The following SP6 variants were observed in gnomAD, a reference collection of about 807,000 sequenced individuals.
SP6 encodes Sp6 transcription factor, also known as transcription factor Sp6.
A neutral mutation model predicts 23.4 loss-of-function variants in SP6; 10 were observed. That is an observed-to-expected ratio of 0.43 (90% CI 0.26 to 0.72). SP6 has a LOEUF of 0.72. Ranked by LOEUF, SP6 falls within the 30% of genes least tolerant of loss-of-function variation. SP6 has a pLI of 0.23. For synonymous variants in SP6, 238 were observed against 238.7 expected, an observed-to-expected ratio of 1.00 and a Z score of 0.03; for missense variants, 482 against 523.8, an observed-to-expected ratio of 0.92 and a Z score of 0.78.
upstream of SP6, among the ~76,000 whole-genome samples, chr17:47,859,622 C>G (rs1214881499): frequency 4.6e-5 from 7 of 152,190 alleles, no homozygotes; most frequent in Non-Finnish European, 7.3e-5. Flanking sequence ...AGAAGCTCCT[C>G]AGCTTGGGGA....
At chr17:47,856,252 A>T (rs1422522372), upstream of SP6, among the ~76,000 whole-genome samples, 4 of 152,086 alleles carry the variant, frequency 2.6e-5, no homozygotes, top group Admixed American at 1.3e-4. Flanking sequence ...CTCTTTTTAC[A>T]TACTCACTTC....
At position 47,845,463 on chromosome 17, in the gene SP6, G is replaced by C. The variant is rs983037269; in HGVS notation, c.*1836C>G. ...ACTACCCCAGGCCAATGAGTTCCTC[G>C]GGAAGGTCATCCTGTCCCTTTTAAG... On this transcript the variant is annotated 3_prime_UTR_variant, in exon 2 of 2. Transcript: ENST00000536300. 6.6e-6 allele frequency: 1 copy of C among 152,198 alleles called. No individual in the cohort carries two copies. The highest frequency in any genetic ancestry group is 6.5e-5 in the Admixed American group (1 of 15,272). 9.4% of individuals were successfully genotyped at this position (152,198 alleles called of 1,614,324 possible). A position where few individuals can be genotyped will look rare whatever the true frequency, so the allele number is the denominator to read the frequency against.
chr17:47,855,259 G>A (rs1290153245), upstream of SP6, among the ~76,000 whole-genome samples: 4 of 152,124 alleles, frequency 2.6e-5, no homozygotes, highest in Non-Finnish European at 5.9e-5. Context: ...AGTGTAGGGT[G>A]TCTTCTCTCC....
chr17:47,848,093 G>C lies in SP6; in HGVS notation c.337C>G (p.Pro113Ala), dbSNP rs776072520. The C allele has an allele frequency of 6.2e-7, 1 of 1,613,492 alleles. No individual in the cohort carries two copies. Among genetic ancestry groups the C allele is most frequent in the Non-Finnish European group, 8.5e-7 (1 of 1,179,996 alleles). ...HYESWFRPTH[P>A]GAEDGSWWDL... is the part of the protein sequence containing the mutation. ...CACCACGAGCCATCCTCCGCGCCTG[G>C]GTGAGTCGGCCTGAACCACGATTCA... Residue 113 changes from proline to alanine, a missense_variant, in exon 2 of 2, where the codon CCA becomes GCA. Coordinates refer to ENST00000536300, the MANE Select transcript of SP6 (RefSeq NM_001258248.2). This position sits in a 1 kb window ranked among gnomAD's most constrained non-coding sequence, Gnocchi z 5.3.
the SP6 span, among the ~76,000 whole-genome samples, chr17:47,861,420 A>AGG: frequency 1.3e-5 from 2 of 152,188 alleles, no homozygotes. Flanking sequence ...TCATCTTTCA[A>AGG]GTGCCTAGAG....
In SP6 at chr17:47,847,157, C is replaced by T; in HGVS notation, c.*142G>A. ...ACTAAGAACCCCTAGCGCCCCATCT[C>T]CCTGTCCCTGCACCACTTTTCCTCC... On this transcript the variant is annotated 3_prime_UTR_variant, in exon 2 of 2. Transcript: ENST00000536300. The T allele has an allele frequency of 1.1e-6, 1 of 892,450 alleles. No homozygotes were observed. Among genetic ancestry groups the T allele is most frequent in the Non-Finnish European group, 1.7e-6 (1 of 604,818 alleles). The allele number at this position is 892,450 out of a possible 1,614,324, so 55.3% of individuals were successfully genotyped here.
At position 47,848,186 on chromosome 17, in the gene SP6, C is replaced by T; in HGVS notation, c.244G>A (p.Glu82Lys). Residue 82 changes from glutamate to lysine, a missense_variant, in exon 2 of 2, where the codon GAA (glutamate) becomes AAA (lysine). Physicochemically the swap from Glu to Lys is moderately conservative, Grantham distance 56. This residue lies in a region of SP6 where 330 missense variants were observed against 332.3 expected (regional missense o/e 0.99). Coordinates refer to ENST00000536300, the MANE Select transcript of SP6 (RefSeq NM_001258248.2). The surrounding 1 kb of genome is among the most constrained non-coding windows in gnomAD (Gnocchi z 5.3). ...ASSRVTCEDL[E>K]SDSPLAPGPF... Reference sequence around the variant, plus strand: ...CCCGGGGCCAAGGGACTGTCGCTTTCCAGGTCCTCGCAGGTTACCCGCGAG... The same window carrying T: ...CCCGGGGCCAAGGGACTGTCGCTTTTCAGGTCCTCGCAGGTTACCCGCGAG... 1 of 1,613,240 alleles carries T rather than the reference C, an allele frequency of 6.2e-7. No homozygotes were observed.
Position 47,847,764 on chromosome 17 carries a change from G to T in SP6, c.666C>A (p.Ser222Arg). The part of the protein sequence containing the change: ...PKGSRRSVPR[S>R]SGQTVCRCPN... ...GGCAGCGACAGACGGTCTGGCCTGA[G>T]CTGCGGGGCACCGACCGCCGGGAGC... The change falls in exon 2 of 2, where the codon AGC becomes AGA. Residue 222 changes from serine to arginine, a missense_variant. Transcript: ENST00000536300. 1 of 1,563,890 alleles carries T rather than the reference G, an allele frequency of 6.4e-7. No individual in the cohort carries two copies.
At chr17:47,856,358 T>G (rs897692008), upstream of SP6, among the ~76,000 whole-genome samples, 1 of 152,078 alleles carries the variant, frequency 6.6e-6, no homozygotes, top group Non-Finnish European at 1.5e-5. Context: ...TTCCCTGACT[T>G]TGGATGGAGT....
chr17:47,875,941 G>C, the SP6 span, among the ~76,000 whole-genome samples: 2 of 152,152 alleles, frequency 1.3e-5, no homozygotes, highest in African/African-American at 4.8e-5. Flanking sequence ...ATTCCCTGAG[G>C]GTGAGTGAAG....
Position 47,848,509 on chromosome 17 carries a change from AAAGT to A in SP6, c.-57-27_-57-24del, listed in dbSNP as rs1461563134. On this transcript the variant is annotated intron_variant, in intron 1 of 1. Transcript: ENST00000536300. The surrounding 1 kb of genome is among the most constrained non-coding windows in gnomAD (Gnocchi z 5.3). ...GACCTAAAGGAGGCGAAGAAGCAGA[AAAGT>A]AAGGGAAATAACCAGCTCACTTTCC... 2.3e-6 allele frequency: 3 copies of A among 1,323,926 alleles called. No individual in the cohort carries two copies. The highest frequency in any genetic ancestry group is 3.0e-6 in the Non-Finnish European group (3 of 987,090). 82.0% of individuals were successfully genotyped at this position (1,323,926 alleles called of 1,614,324 possible).
At chr17:47,860,241 C>A (rs755404459), upstream of SP6, among the ~76,000 whole-genome samples, 2 of 152,200 alleles carry the variant, frequency 1.3e-5, no homozygotes, top group Non-Finnish European at 2.9e-5. Flanking sequence ...CTGATGAGCT[C>A]CTATGGATCT....
At chr17:47,867,579 C>T in the SP6 span, among the ~76,000 whole-genome samples, 3 of 152,202 alleles carry the variant, frequency 2.0e-5, no homozygotes, top group Non-Finnish European at 2.9e-5. Context: ...GGGTAGACCA[C>T]CACTTGGCCA....
chr17:47,848,516 G>T lies in SP6; in HGVS notation c.-57-30C>A. The T allele has an allele frequency of 7.7e-7, 1 of 1,299,016 alleles. No individual in the cohort carries two copies. The highest frequency in any genetic ancestry group is 1.0e-6 in the Non-Finnish European group (1 of 964,640). 80.5% of individuals were successfully genotyped at this position (1,299,016 alleles called of 1,614,324 possible). A position where few individuals can be genotyped will look rare whatever the true frequency, so the allele number is the denominator to read the frequency against. On this transcript the variant is annotated intron_variant, in intron 1 of 1. Coordinates refer to ENST00000536300, the MANE Select transcript of SP6 (RefSeq NM_001258248.2). This position sits in a 1 kb window ranked among gnomAD's most constrained non-coding sequence, Gnocchi z 5.3. ...AGGAGGCGAAGAAGCAGAAAAGTAA[G>T]GGAAATAACCAGCTCACTTTCCCTC...
At chr17:47,862,440 G>A in the SP6 span, among the ~76,000 whole-genome samples, 68 of 148,582 alleles carry the variant, frequency 4.6e-4, no homozygotes. Flanking sequence ...CCTGGGAAGT[G>A]AAGGTTGCAG....
At chr17:47,852,908 G>T (rs1459757042), upstream of SP6, among the ~76,000 whole-genome samples, 1 of 152,138 alleles carries the variant, frequency 6.6e-6, no homozygotes, top group Non-Finnish European at 1.5e-5. Flanking sequence ...GTAAGCGCCG[G>T]GTAAATGGAA....
At chr17:47,868,208 C>G in the SP6 span, among the ~76,000 whole-genome samples, 6 of 152,296 alleles carry the variant, frequency 3.9e-5, no homozygotes, top group Non-Finnish European at 8.8e-5. Flanking sequence ...CCGGGATCCC[C>G]TTCACCCAAG....
the SP6 span, among the ~76,000 whole-genome samples, chr17:47,873,773 T>C: frequency 2.6e-5 from 4 of 151,992 alleles, no homozygotes; most frequent in African/African-American, 9.7e-5. Context: ...CCCCAGCCAT[T>C]GGCCTCCCCT....
the SP6 span, among the ~76,000 whole-genome samples, chr17:47,867,179 C>T: frequency 6.6e-6 from 1 of 152,204 alleles, no homozygotes; most frequent in Non-Finnish European, 1.5e-5. Context: ...AGTCCCCAAA[C>T]AGGGCCTGAG....
Sources: allele counts gnomAD v4.1 joint callset (sites outside exome capture counted in the v4.1 genomes callset), GRCh38; gene constraint gnomAD v4.1.1; regional missense constraint gnomAD v4.1.1; non-coding constraint Gnocchi (gnomAD v3.1); transcripts MANE v1.5; gene names NCBI Gene and HGNC (gene_info 2026-07-23, HGNC 2026-07-21).